Variants in RPH3A observed in about 807,000 individuals in gnomAD.
RPH3A encodes the protein rabphilin 3A, also known as rabphilin-3A.
A neutral mutation model predicts 102.2 loss-of-function variants in RPH3A; 48 were observed. The ratio of observed to expected loss-of-function variants is 0.47; its 90% CI spans 0.37 to 0.60. The LOEUF (loss-of-function observed/expected upper bound fraction) is 0.60. Among genes scored for constraint, RPH3A ranks in the 20% least tolerant of loss-of-function variants. The pLI is 0.00. For synonymous variants in RPH3A, 310 were observed against 324.3 expected (o/e 0.96, Z 0.47); for missense variants, 781 against 910.1 (o/e 0.86, Z 1.83).
intron 5 of RPH3A, among the ~76,000 whole-genome samples, chr12:112,848,623 A>C (rs1565917670): frequency 6.6e-6 from 1 of 152,122 alleles, no homozygotes; most frequent in Non-Finnish European, 1.5e-5. Context: ...TGGTGACACT[A>C]TGTGTTTAAT....
intron 1 of RPH3A, among the ~76,000 whole-genome samples, chr12:112,586,179 C>T (rs189210799): frequency 3.4e-4 from 52 of 152,320 alleles, no homozygotes; most frequent in Admixed American, 1.2e-3. Flanking sequence ...GTGCTGTGCC[C>T]TCCACGCTTG....
At chr12:112,729,832 C>G (rs2040620816) in intron 1 of RPH3A, among the ~76,000 whole-genome samples, 1 of 152,168 alleles carries the variant, frequency 6.6e-6, no homozygotes, top group Non-Finnish European at 1.5e-5. Flanking sequence ...TTCCCCCAAC[C>G]CTGCCAAATT....
At chr12:112,739,284 C>G (rs148412940) in intron 1 of RPH3A, among the ~76,000 whole-genome samples, 38 of 152,220 alleles carry the variant, frequency 2.5e-4, no homozygotes, top group African/African-American at 8.4e-4. Flanking sequence ...TTTTTGAACA[C>G]CTGCATGAAC....
At chr12:112,615,418 C>A (rs551380648) in intron 1 of RPH3A, among the ~76,000 whole-genome samples, 67 of 152,274 alleles carry the variant, frequency 4.4e-4, no homozygotes, top group African/African-American at 1.6e-3. Context: ...GGCTCCAGCT[C>A]CTGGCTCTGG....
intron 2 of RPH3A, among the ~76,000 whole-genome samples, chr12:112,801,878 T>G (rs766050328): frequency 3.3e-5 from 5 of 152,196 alleles, no homozygotes; most frequent in African/African-American, 9.7e-5. Context: ...AAAACAGTAT[T>G]TTTATAGATC....
chr12:112,671,246 A>G (rs1490707375), intron 1 of RPH3A, among the ~76,000 whole-genome samples: 2 of 152,230 alleles, frequency 1.3e-5, no homozygotes, highest in Non-Finnish European at 2.9e-5. Flanking sequence ...ATGAGATAAA[A>G]GATTATTTCT....
intron 1 of RPH3A, among the ~76,000 whole-genome samples, chr12:112,635,189 T>C (rs2039839216): frequency 6.6e-6 from 1 of 152,210 alleles, no homozygotes; most frequent in South Asian, 2.1e-4. Flanking sequence ...CCATAGACAA[T>C]ATGTAACCAA....
chr12:112,806,464 G>C (rs1205669090), intron 2 of RPH3A, among the ~76,000 whole-genome samples: 6 of 152,060 alleles, frequency 3.9e-5, no homozygotes, highest in African/African-American at 1.4e-4. Context: ...GTGAAACTCT[G>C]TCTCTACTAA....
At chr12:112,849,451 G>A (rs1406182645) in intron 5 of RPH3A, among the ~76,000 whole-genome samples, 1 of 151,642 alleles carries the variant, frequency 6.6e-6, no homozygotes, top group Non-Finnish European at 1.5e-5. Context: ...GTGTGTATGT[G>A]TGTGTATCTT....
intron 3 of RPH3A, among the ~76,000 whole-genome samples, chr12:112,829,765 T>C (rs145238939): frequency 9.9e-5 from 15 of 152,280 alleles, no homozygotes; most frequent in East Asian, 3.9e-4. Flanking sequence ...TGGATGTAAG[T>C]GGATAATTAG....
chr12:112,600,112 T>C (rs1483527412), intron 1 of RPH3A, among the ~76,000 whole-genome samples: 2 of 152,212 alleles, frequency 1.3e-5, no homozygotes, highest in African/African-American at 4.8e-5. Flanking sequence ...AGAGATTGCA[T>C]AACATATATT....
chr12:112,644,703 A>G (rs929533637), intron 1 of RPH3A, among the ~76,000 whole-genome samples: 9 of 152,180 alleles, frequency 5.9e-5, no homozygotes, highest in African/African-American at 2.2e-4. Context: ...TCAAATAACC[A>G]TCTTTAACAG....
intron 1 of RPH3A, among the ~76,000 whole-genome samples, chr12:112,685,734 T>C (rs952064721): frequency 6.6e-6 from 1 of 152,130 alleles, no homozygotes; most frequent in Admixed American, 6.5e-5. Flanking sequence ...GCAGCCACAG[T>C]GGCTTATCAC....
chr12:112,618,933 A>G (rs1007210150), intron 1 of RPH3A, among the ~76,000 whole-genome samples: 2 of 152,202 alleles, frequency 1.3e-5, no homozygotes, highest in African/African-American at 2.4e-5. Context: ...TGGACATTTC[A>G]TATAAATGGA....
chr12:112,884,225 C>T (rs755865239), intron 16 of RPH3A, among the ~76,000 whole-genome samples: 13 of 152,082 alleles, frequency 8.5e-5, no homozygotes, highest in Non-Finnish European at 1.5e-4. Context: ...TGAACCCACC[C>T]GATACTTGAT....
chr12:112,776,268 T>A (rs1288672923), intron 1 of RPH3A, among the ~76,000 whole-genome samples: 1 of 152,260 alleles, frequency 6.6e-6, no homozygotes, highest in Non-Finnish European at 1.5e-5. Flanking sequence ...ATCAGTTATC[T>A]ATTGCTACAA....
chr12:112,682,857 T>A (rs936394302), intron 1 of RPH3A, among the ~76,000 whole-genome samples: 2 of 152,228 alleles, frequency 1.3e-5, no homozygotes, highest in Non-Finnish European at 2.9e-5. Context: ...AGGATTCTCA[T>A]ACAAGCTGTA....
At chr12:112,583,697 A>G (rs946048079) in intron 1 of RPH3A, among the ~76,000 whole-genome samples, 4 of 120,610 alleles carry the variant, frequency 3.3e-5, no homozygotes, top group African/African-American at 1.3e-4. Flanking sequence ...ACAAAATTAA[A>G]GGGCTGGCCA....
At chr12:112,578,972 A>T (rs1403211124) in intron 1 of RPH3A, among the ~76,000 whole-genome samples, 1 of 152,232 alleles carries the variant, frequency 6.6e-6, no homozygotes, top group South Asian at 2.1e-4. Flanking sequence ...TGTAAAAAAA[A>T]TTTATTATTT....
Sources: gnomAD v4.1 joint callset for allele counts (sites outside exome capture counted in the v4.1 genomes callset) on GRCh38, gnomAD v4.1.1 for gene constraint, MANE v1.5 for transcripts, NCBI Gene and HGNC (gene_info 2026-07-23, HGNC 2026-07-21) for gene names.